The following FSTL5 variants were observed in gnomAD, a reference collection of about 807,000 sequenced individuals.
The protein encoded by FSTL5 is follistatin-related protein 5.
In FSTL5, 62 loss-of-function variants were observed where a neutral mutation model predicts 89.1. The observed-to-expected ratio is 0.70, with a 90% CI of 0.57 to 0.86. The LOEUF is 0.86. Among genes scored for constraint, FSTL5 ranks in the 40% least tolerant of loss-of-function variants. The pLI is 0.00. For synonymous variants in FSTL5, 383 were observed against 346.2 expected (o/e 1.11, Z -1.18); for missense variants, 1,057 against 1,001.6 (o/e 1.06, Z -0.75).
intron 5 of FSTL5, among the ~76,000 whole-genome samples, chr4:161,768,038 G>A (rs556733322): frequency 1.2e-4 from 19 of 152,164 alleles, no homozygotes; most frequent in Admixed American, 3.3e-4. Context: ...TATCATGTAC[G>A]TCTGTATTTT....
intron 3 of FSTL5, among the ~76,000 whole-genome samples, chr4:161,987,913 T>C (rs887528616): frequency 1.3e-5 from 2 of 151,792 alleles, no homozygotes; most frequent in Non-Finnish European, 2.9e-5. Flanking sequence ...GGTTTTATCT[T>C]AGTCCAACTT....
intron 6 of FSTL5, among the ~76,000 whole-genome samples, chr4:161,672,377 A>G (rs979578200): frequency 1.3e-5 from 2 of 152,168 alleles, no homozygotes; most frequent in African/African-American, 4.8e-5. Flanking sequence ...AACAAGGAAG[A>G]CAACGCCCCA....
At chr4:162,095,401 A>G (rs1248519484) in intron 2 of FSTL5, among the ~76,000 whole-genome samples, 4 of 152,148 alleles carry the variant, frequency 2.6e-5, no homozygotes, top group African/African-American at 9.6e-5. Context: ...GGATTTCCAC[A>G]GAAGCATAAT....
intron 6 of FSTL5, among the ~76,000 whole-genome samples, chr4:161,682,427 A>C (rs1438138670): frequency 6.6e-6 from 1 of 152,206 alleles, no homozygotes; most frequent in East Asian, 1.9e-4. Flanking sequence ...TAAAAGACAA[A>C]CACATTGTAC....
At chr4:161,783,493 C>G (rs985723165) in intron 4 of FSTL5, among the ~76,000 whole-genome samples, 1 of 151,560 alleles carries the variant, frequency 6.6e-6, no homozygotes, top group Admixed American at 6.6e-5. Context: ...TTCTTTCTTT[C>G]TTTCTTTTTT....
intron 15 of FSTL5, among the ~76,000 whole-genome samples, chr4:161,422,712 G>A (rs991708266): frequency 1.3e-5 from 2 of 151,836 alleles, no homozygotes; most frequent in African/African-American, 4.9e-5. Flanking sequence ...GGACACCTAA[G>A]TACTACTCTT....
Position 161,389,828 on chromosome 4 carries a change from C to T in FSTL5, c.1842-3379G>A, listed in dbSNP as rs140513750. The stretch of plus-strand genomic sequence containing the variant: ...GTAGCATTATTTTCCAATTATTAAT[C>T]ACATAAAACATTCTCTGTGGGACAA... On this transcript the variant is annotated intron_variant, in intron 15 of 15. Transcript: ENST00000306100. Among the ~76,000 whole-genome samples the T allele has an allele frequency of 4.3e-3, 656 of 152,162 alleles. 4 individuals are homozygous for T. Among genetic ancestry groups the T allele is most frequent in the African/African-American group, 0.015 (622 of 41,536 alleles).
chr4:161,851,892 T>TAC (rs140056514), intron 4 of FSTL5, among the ~76,000 whole-genome samples: 13,339 of 149,820 alleles, frequency 0.089, 641 homozygotes, highest in East Asian at 0.15. Flanking sequence ...ATCTCATCCC[T>TAC]ACACACACAC....
chr4:161,594,181 T>C (rs1733928507), intron 7 of FSTL5, among the ~76,000 whole-genome samples: 1 of 152,016 alleles, frequency 6.6e-6, no homozygotes. Context: ...GTAAAACTCA[T>C]TACAACCAGA....
intron 15 of FSTL5, among the ~76,000 whole-genome samples, chr4:161,424,543 AT>A (rs1203926393): frequency 1.4e-5 from 2 of 146,740 alleles, no homozygotes; most frequent in Non-Finnish European, 3.0e-5. Context: ...AAAAAAAAAA[AT>A]GGTTTTCTTT....
intron 8 of FSTL5, among the ~76,000 whole-genome samples, chr4:161,550,690 G>A (rs573253243): frequency 2.6e-5 from 4 of 151,694 alleles, no homozygotes; most frequent in Admixed American, 6.6e-5. Flanking sequence ...CCACTAACTC[G>A]TCATCTAGCA....
At chr4:161,808,940 C>T (rs1265992305) in intron 4 of FSTL5, among the ~76,000 whole-genome samples, 2 of 152,092 alleles carry the variant, frequency 1.3e-5, no homozygotes, top group Admixed American at 6.6e-5. Flanking sequence ...AAATCATGAC[C>T]GGGTGCGGTT....
chr4:161,792,492 A>G (rs949100281), intron 4 of FSTL5, among the ~76,000 whole-genome samples: 9 of 152,164 alleles, frequency 5.9e-5, no homozygotes, highest in Non-Finnish European at 1.2e-4. Context: ...TGCCAGTCTC[A>G]TGGACCAGAA....
intron 2 of FSTL5, among the ~76,000 whole-genome samples, chr4:162,047,859 C>A (rs550931850): frequency 5.3e-5 from 8 of 151,880 alleles, no homozygotes; most frequent in South Asian, 2.1e-4. Context: ...ACAACAACAA[C>A]AAAAAACTAT....
rs1264497193 is a variant in FSTL5 at position 161,637,886 on chromosome 4, G to A, written c.894+18442C>T. ...CTGTAGCCTTGTAGTATAGTTTGAA[G>A]TCAGGTAGTGTGATGCCTCCAGCTT... On this transcript the variant is annotated intron_variant, in intron 7 of 15. Coordinates refer to ENST00000306100, the MANE Select transcript of FSTL5 (RefSeq NM_020116.5). Among the ~76,000 whole-genome samples, 281 of 131,612 alleles carry A rather than the reference G, an allele frequency of 2.1e-3. 2 individuals carry two copies. The highest frequency in any genetic ancestry group is 7.4e-3 in the African/African-American group (250 of 33,934). 86.3% of individuals were successfully genotyped at this position (131,612 alleles called of 152,430 possible).
chr4:161,579,390 C>T (rs983309446), intron 8 of FSTL5, among the ~76,000 whole-genome samples: 1 of 151,910 alleles, frequency 6.6e-6, no homozygotes, highest in Non-Finnish European at 1.5e-5. Flanking sequence ...ATGGAGTACA[C>T]CAGAAGTCAG....
intron 4 of FSTL5, among the ~76,000 whole-genome samples, chr4:161,834,482 T>C (rs1227424026): frequency 7.9e-5 from 12 of 152,066 alleles, no homozygotes; most frequent in African/African-American, 2.9e-4. Context: ...AAATAAAGGG[T>C]ATTCAATCAG....
At chr4:162,021,771 T>C (rs1737093447) in intron 3 of FSTL5, among the ~76,000 whole-genome samples, 2 of 152,028 alleles carry the variant, frequency 1.3e-5, no homozygotes, top group African/African-American at 4.8e-5. Flanking sequence ...TTGGAGATTT[T>C]GAAAGGTAGG....
At chr4:161,869,108 G>A (rs894284162) in intron 4 of FSTL5, among the ~76,000 whole-genome samples, 1 of 152,106 alleles carries the variant, frequency 6.6e-6, no homozygotes, top group Non-Finnish European at 1.5e-5. Flanking sequence ...GCTGAGGCAG[G>A]AGAATGGCTT....
Sources: allele counts gnomAD v4.1 joint callset (sites outside exome capture counted in the v4.1 genomes callset), GRCh38; gene constraint gnomAD v4.1.1; transcripts MANE v1.5; gene names NCBI Gene and HGNC (gene_info 2026-07-23, HGNC 2026-07-21).